Variants in ADAMTS12 observed in about 807,000 individuals in gnomAD.
ADAMTS12 encodes A disintegrin and metalloproteinase with thrombospondin motifs 12.
In ADAMTS12, 118 loss-of-function variants were observed where a neutral mutation model predicts 167.8. That is an observed-to-expected ratio of 0.70 (90% confidence interval 0.61 to 0.82). ADAMTS12 has a LOEUF of 0.82. ADAMTS12 is among the 40% of genes least tolerant of loss of function. The pLI is 0.00. For synonymous variants in ADAMTS12, 704 were observed against 716.9 expected, an observed-to-expected ratio of 0.98 and a Z score of 0.29; for missense variants, 1,916 against 1,998.8, an observed-to-expected ratio of 0.96 and a Z score of 0.79.
intron 2 of ADAMTS12, among the ~76,000 whole-genome samples, chr5:33,774,954 A>G (rs894632862): frequency 6.6e-6 from 1 of 152,208 alleles, no homozygotes; most frequent in Non-Finnish European, 1.5e-5. Context: ...TCATCTAGGT[A>G]GACGGAAGGG....
intron 7 of ADAMTS12, among the ~76,000 whole-genome samples, chr5:33,655,626 T>A (rs981192552): frequency 1.6e-5 from 2 of 125,076 alleles, no homozygotes; most frequent in South Asian, 3.2e-4. Context: ...TTTAGTTTTA[T>A]TTATTTAATT....
chr5:33,862,992 C>A (rs1017282760), intron 2 of ADAMTS12, among the ~76,000 whole-genome samples: 6 of 152,080 alleles, frequency 3.9e-5, no homozygotes, highest in Non-Finnish European at 8.8e-5. Context: ...AAATTCATCA[C>A]CCCTTCATGC....
chr5:33,552,928 A>C (rs1745316075), intron 20 of ADAMTS12, among the ~76,000 whole-genome samples: 1 of 152,246 alleles, frequency 6.6e-6, no homozygotes, highest in Non-Finnish European at 1.5e-5. Context: ...CAATCTACAG[A>C]ATGGGAGAAA....
intron 2 of ADAMTS12, among the ~76,000 whole-genome samples, chr5:33,801,183 G>A (rs1398738584): frequency 6.6e-6 from 1 of 152,160 alleles, no homozygotes; most frequent in Non-Finnish European, 1.5e-5. Context: ...CCGTGAAACC[G>A]ATTTTGGACT....
chr5:33,799,739 GA>G (rs1224483843), intron 2 of ADAMTS12, among the ~76,000 whole-genome samples: 1 of 152,172 alleles, frequency 6.6e-6, no homozygotes, highest in East Asian at 1.9e-4. Context: ...ATAGTTGAGT[GA>G]ATATCTGAAA....
At chr5:33,549,405 A>G in intron 20 of ADAMTS12, 22 bp from the exon 21 acceptor site, 1 of 1,598,374 alleles carries the variant, frequency 6.3e-7, no homozygotes, top group Non-Finnish European at 8.6e-7. Context: ...GAAAAATCAA[A>G]GGCGATCTCT....
intron 13 of ADAMTS12, among the ~76,000 whole-genome samples, chr5:33,624,964 C>T (rs1406112434): frequency 6.6e-6 from 1 of 152,178 alleles, no homozygotes; most frequent in Non-Finnish European, 1.5e-5. Flanking sequence ...AACTTGAAAG[C>T]CACCTCAAAT....
chr5:33,725,479 C>A (rs1412908754), intron 3 of ADAMTS12, among the ~76,000 whole-genome samples: 1 of 152,178 alleles, frequency 6.6e-6, no homozygotes, highest in Non-Finnish European at 1.5e-5. Context: ...CTGTTGCCAT[C>A]CCAGAGCATA....
intron 21 of ADAMTS12, among the ~76,000 whole-genome samples, chr5:33,547,731 C>T (rs567851325): frequency 2.4e-4 from 36 of 152,216 alleles, no homozygotes; most frequent in African/African-American, 7.9e-4. Context: ...CGAGAAGCTA[C>T]AGAGGAAACA....
At chr5:33,634,744 A>AT (rs1740110761) in intron 12 of ADAMTS12, among the ~76,000 whole-genome samples, 2 of 152,204 alleles carry the variant, frequency 1.3e-5, no homozygotes. Context: ...ATAAGAAGGC[A>AT]TTAAAATGAA....
At chr5:33,844,793 G>C (rs143790397) in intron 2 of ADAMTS12, among the ~76,000 whole-genome samples, 6,934 of 152,086 alleles carry the variant, frequency 0.046, 271 homozygotes, top group East Asian at 0.17. Context: ...CTGGTTTTGC[G>C]GCTTGTGGGG....
intron 16 of ADAMTS12, among the ~76,000 whole-genome samples, chr5:33,607,676 T>C (rs1254446662): frequency 6.6e-6 from 1 of 152,206 alleles, no homozygotes; most frequent in Non-Finnish European, 1.5e-5. Context: ...GTGTGTTATC[T>C]CTGATTTCTT....
Position 33,526,228 on chromosome 5 carries a change from G to A in ADAMTS12, c.*960C>T, listed in dbSNP as rs890389622. On this transcript the variant is annotated 3_prime_UTR_variant, in exon 24 of 24. Coordinates refer to ENST00000504830, the MANE Select transcript of ADAMTS12 (RefSeq NM_030955.4). Reference sequence around the variant, plus strand: ...GAGGACAGGTGGCAGCCCTAGAGCTGGTCATAGTGGTCTTTGCATATACAG... The same window carrying A: ...GAGGACAGGTGGCAGCCCTAGAGCTAGTCATAGTGGTCTTTGCATATACAG... The A allele has an allele frequency of 4.6e-5, 7 of 152,138 alleles. No individual in the cohort carries two copies. In the East Asian group the frequency reaches 1.3e-3, roughly 29 times the overall value. The allele number at this position is 152,138 out of a possible 1,614,324, so 9.4% of individuals were successfully genotyped here.
intron 6 of ADAMTS12, among the ~76,000 whole-genome samples, 169 bp downstream of exon 6, chr5:33,661,747 G>C (rs1223564068): frequency 6.6e-6 from 1 of 152,310 alleles, no homozygotes; most frequent in Non-Finnish European, 1.5e-5. Flanking sequence ...TTGTTAAACT[G>C]TTTCCTCTAC....
chr5:33,590,068 A>G (rs368690028), intron 17 of ADAMTS12, among the ~76,000 whole-genome samples: 15 of 152,316 alleles, frequency 9.8e-5, no homozygotes, highest in African/African-American at 3.1e-4. Context: ...GAAACCAAAT[A>G]AGTGCCCCAC....
intron 19 of ADAMTS12, among the ~76,000 whole-genome samples, chr5:33,566,493 CCTT>C (rs748486404): frequency 1.4e-4 from 22 of 152,186 alleles, no homozygotes; most frequent in Non-Finnish European, 2.5e-4. Flanking sequence ...GTGACGGACT[CCTT>C]CTCTTCTCCT....
Position 33,539,323 on chromosome 5 carries a change from T to C in ADAMTS12, c.4447-4331A>G, listed in dbSNP as rs17488979. Among the ~76,000 whole-genome samples the C allele has an allele frequency of 7.8e-3, 1,194 of 152,286 alleles. 7 individuals carry two copies. The highest frequency in any genetic ancestry group is 0.014 in the Middle Eastern group (4 of 294). On this transcript the variant is annotated intron_variant, in intron 22 of 23. Transcript: ENST00000504830. ...CTTAGGGAGAATAATACCTCTTTCC[T>C]TCATTTACAGTTTAATTATTTTGTT...
intron 2 of ADAMTS12, among the ~76,000 whole-genome samples, chr5:33,767,229 G>T (rs1320736008): frequency 6.6e-6 from 1 of 152,104 alleles, no homozygotes; most frequent in Non-Finnish European, 1.5e-5. Context: ...ATACAGGAAA[G>T]AAATACATAT....
rs114080749 is a variant in ADAMTS12, at chr5:33,752,507, T to C, written c.490-959A>G. Among the ~76,000 whole-genome samples, 608 of 152,190 alleles carry C rather than the reference T, an allele frequency of 4.0e-3. 6 individuals are homozygous for C. The highest frequency in any genetic ancestry group is 0.014 in the African/African-American group (583 of 41,530). On this transcript the variant is annotated intron_variant, in intron 2 of 23. Transcript: ENST00000504830. ...AGTTTTTAATTTCTCAGCTGAAAAA[T>C]AGGATAAATCAAGGGTTGCTATGAA...
Sources: gnomAD v4.1 joint callset for allele counts (sites outside exome capture counted in the v4.1 genomes callset) on GRCh38, gnomAD v4.1.1 for gene constraint, MANE v1.5 for transcripts, NCBI Gene and HGNC (gene_info 2026-07-23, HGNC 2026-07-21) for gene names.